The following AKAP6 variants were observed in gnomAD, a reference collection of about 807,000 sequenced individuals.
AKAP6 encodes A-kinase anchor protein 6.
AKAP6 carries 58 observed loss-of-function variants against 188.5 expected under a neutral mutation model. That is an observed-to-expected ratio of 0.31 (90% CI 0.25 to 0.38). The LOEUF (loss-of-function observed/expected upper bound fraction) is 0.38. Ranked by LOEUF, AKAP6 falls within the 10% of genes least tolerant of loss-of-function variation. The pLI, the probability that AKAP6 is intolerant of heterozygous loss-of-function variation, is 1.00. For synonymous variants in AKAP6, 989 were observed against 998.6 expected (o/e 0.99, Z 0.18); for missense variants, 2,710 against 2,740.0 (o/e 0.99, Z 0.24).
intron 2 of AKAP6, among the ~76,000 whole-genome samples, chr14:32,495,941 A>G (rs192894437): frequency 5.3e-5 from 8 of 152,328 alleles, no homozygotes. Flanking sequence ...AAATTGCTGC[A>G]ATATTGTTGT....
At chr14:32,596,813 A>G (rs1292746190) in intron 5 of AKAP6, among the ~76,000 whole-genome samples, 1 of 152,216 alleles carries the variant, frequency 6.6e-6, no homozygotes, top group African/African-American at 2.4e-5. Context: ...CTTTCATCCA[A>G]GCTTCCTTCC....
At chr14:32,726,384 G>C (rs919753219) in intron 9 of AKAP6, among the ~76,000 whole-genome samples, 1 of 152,164 alleles carries the variant, frequency 6.6e-6, no homozygotes, top group African/African-American at 2.4e-5. Flanking sequence ...AAAGAAAAAG[G>C]GATCAAAGGA....
intron 2 of AKAP6, chr14:32,438,831 T>G (rs779659492): frequency 6.6e-6 from 1 of 152,168 alleles, no homozygotes; most frequent in Non-Finnish European, 1.5e-5. Flanking sequence ...TTTGGGTGAA[T>G]GTATTTGGTT....
chr14:32,571,652 T>C (rs1306162677), intron 4 of AKAP6, among the ~76,000 whole-genome samples: 2 of 152,242 alleles, frequency 1.3e-5, no homozygotes, highest in African/African-American at 4.8e-5. Flanking sequence ...ACATCATGCC[T>C]AATTTCTCTG....
At chr14:32,339,572 T>G (rs1886828150) in intron 1 of AKAP6, among the ~76,000 whole-genome samples, 1 of 152,166 alleles carries the variant, frequency 6.6e-6, no homozygotes, top group African/African-American at 2.4e-5. Context: ...TTTAGTGAAT[T>G]TGGGTCCCCT....
chr14:32,764,895 C>T (rs1379574988), intron 11 of AKAP6, among the ~76,000 whole-genome samples: 1 of 151,464 alleles, frequency 6.6e-6, no homozygotes, highest in East Asian at 1.9e-4. Flanking sequence ...TTGATAAGTC[C>T]CAATGATTAT....
chr14:32,538,820 C>T (rs1184060728), intron 3 of AKAP6, among the ~76,000 whole-genome samples: 1 of 152,000 alleles, frequency 6.6e-6, no homozygotes, highest in African/African-American at 2.4e-5. Context: ...AACAAACCTG[C>T]ACATCCTGCA....
chr14:32,790,556 G>A (rs145768151), intron 12 of AKAP6, among the ~76,000 whole-genome samples: 55 of 152,098 alleles, frequency 3.6e-4, no homozygotes, highest in African/African-American at 1.1e-3. Context: ...GAAGAGATTG[G>A]GGGCTAATGT....
intron 1 of AKAP6, among the ~76,000 whole-genome samples, chr14:32,422,042 G>A (rs1469445657): frequency 1.4e-4 from 21 of 152,204 alleles, no homozygotes; most frequent in Admixed American, 1.2e-3. Flanking sequence ...CCAGTCTTCT[G>A]TCTGAACTGG....
chr14:32,335,141 A>T (rs1397771138), intron 1 of AKAP6, among the ~76,000 whole-genome samples: 4 of 152,096 alleles, frequency 2.6e-5, no homozygotes, highest in Admixed American at 1.3e-4. Flanking sequence ...ATGGGGTCTC[A>T]AACTGGCTAA....
intron 7 of AKAP6, among the ~76,000 whole-genome samples, chr14:32,641,484 AAAAAGAAAAG>A (rs1187404612): frequency 6.6e-6 from 1 of 151,038 alleles, no homozygotes; most frequent in Admixed American, 6.6e-5. Flanking sequence ...AAAAAAAAAA[AAAAAGAAAAG>A]AAAAGAAAAG....
chr14:32,385,557 C>T (rs537569360), intron 1 of AKAP6, among the ~76,000 whole-genome samples: 2 of 151,786 alleles, frequency 1.3e-5, no homozygotes, highest in African/African-American at 2.4e-5. Flanking sequence ...ATCCCTCACC[C>T]CCTTCCCACC....
At chr14:32,767,498 T>A (rs1359026784) in intron 11 of AKAP6, among the ~76,000 whole-genome samples, 1 of 152,196 alleles carries the variant, frequency 6.6e-6, no homozygotes. Context: ...TGCTCACTGC[T>A]ATATCCCCAC....
chr14:32,496,523 T>G (rs1241090276), intron 2 of AKAP6, among the ~76,000 whole-genome samples: 1 of 152,014 alleles, frequency 6.6e-6, no homozygotes, highest in East Asian at 1.9e-4. Context: ...AAATTGTGCC[T>G]TCGGTGGAGA....
At chr14:32,340,537 G>A (rs1886857315) in intron 1 of AKAP6, among the ~76,000 whole-genome samples, 1 of 152,072 alleles carries the variant, frequency 6.6e-6, no homozygotes, top group African/African-American at 2.4e-5. Context: ...CTCATTTACA[G>A]GGTTCTCCAT....
At chr14:32,583,257 C>CA (rs1207215200) in intron 5 of AKAP6, among the ~76,000 whole-genome samples, 1 of 152,190 alleles carries the variant, frequency 6.6e-6, no homozygotes, top group Non-Finnish European at 1.5e-5. Context: ...AGGTCCACTC[C>CA]AGACCCTGTT....
intron 4 of AKAP6, among the ~76,000 whole-genome samples, chr14:32,556,926 T>C (rs556284930): frequency 3.5e-4 from 53 of 152,230 alleles, no homozygotes; most frequent in African/African-American, 1.2e-3. Context: ...TCTCTCTTTT[T>C]TTTTTAAATT....
intron 9 of AKAP6, among the ~76,000 whole-genome samples, chr14:32,717,675 A>G (rs1452510364): frequency 6.6e-6 from 1 of 151,884 alleles, no homozygotes; most frequent in East Asian, 1.9e-4. Flanking sequence ...TTCTTTGAAT[A>G]TTTATAGCAG....
At chr14:32,763,595 G>A (rs947666334) in intron 11 of AKAP6, among the ~76,000 whole-genome samples, 21 of 152,154 alleles carry the variant, frequency 1.4e-4, no homozygotes, top group African/African-American at 4.6e-4. Context: ...ATTTAATAGA[G>A]GCTTTTAAAA....
Sources: gnomAD v4.1 joint callset for allele counts (sites outside exome capture counted in the v4.1 genomes callset) on GRCh38, gnomAD v4.1.1 for gene constraint, MANE v1.5 for transcripts, NCBI Gene and HGNC (gene_info 2026-07-23, HGNC 2026-07-21) for gene names.